ETV6: variants seen among roughly 807,000 people sequenced by gnomAD.
The protein encoded by ETV6 is transcription factor ETV6.
Under a neutral mutation model 51.1 loss-of-function variants are expected in ETV6, and 16 were observed. That is an observed-to-expected ratio of 0.31 (90% CI 0.21 to 0.48). The LOEUF (loss-of-function observed/expected upper bound fraction) is 0.48. Ranked by LOEUF, ETV6 falls within the 20% of genes least tolerant of loss-of-function variation. The probability of loss-of-function intolerance (pLI) is 0.99; values close to 1 mark genes in which losing one functional copy is unlikely to be tolerated. For synonymous variants in ETV6, 240 were observed against 224.1 expected (o/e 1.07, Z -0.64); for missense variants, 458 against 594.8 (o/e 0.77, Z 2.39).
chr12:11,681,702 T>C (rs2120747026), intron 1 of ETV6, among the ~76,000 whole-genome samples: 1 of 152,288 alleles, frequency 6.6e-6, no homozygotes, highest in African/African-American at 2.4e-5. Flanking sequence ...TAGGTATTTC[T>C]CCTTATGCTA....
At chr12:11,821,877 C>T (rs1946086249) in intron 2 of ETV6, among the ~76,000 whole-genome samples, 3 of 152,148 alleles carry the variant, frequency 2.0e-5, no homozygotes, top group South Asian at 4.2e-4. Context: ...TGCATTGTCA[C>T]CTCCCACCCT....
chr12:11,750,620 T>C (rs1469240835), intron 1 of ETV6, among the ~76,000 whole-genome samples: 5 of 152,134 alleles, frequency 3.3e-5, no homozygotes, highest in Non-Finnish European at 7.3e-5. Context: ...TTTCCGAGAA[T>C]AAAGTTAACG....
At chr12:11,850,873 C>CA (rs1360762540) in intron 3 of ETV6, among the ~76,000 whole-genome samples, 7 of 152,238 alleles carry the variant, frequency 4.6e-5, no homozygotes, top group African/African-American at 1.7e-4. Flanking sequence ...TTGTTTGAGC[C>CA]ACCCCACCGG....
At chr12:11,798,215 G>A (rs1468344680) in intron 2 of ETV6, among the ~76,000 whole-genome samples, 2 of 152,148 alleles carry the variant, frequency 1.3e-5, no homozygotes, top group Non-Finnish European at 2.9e-5. Flanking sequence ...ATGTCACTGC[G>A]CCACAGAAGA....
chr12:11,739,607 T>A (rs1371707071), intron 1 of ETV6, among the ~76,000 whole-genome samples: 1 of 152,242 alleles, frequency 6.6e-6, no homozygotes, highest in Non-Finnish European at 1.5e-5. Flanking sequence ...AGTGTCGGAT[T>A]TGAAATGTGC....
rs772170594 is a variant in ETV6 at position 11,710,898 on chromosome 12, C to T, written c.34-41552C>T. On this transcript the variant is annotated intron_variant, in intron 1 of 7. Transcript: ENST00000396373. ...TCTCTGGTCATGTCAAGAAAGCTGC[C>T]CCCTACTTTGTGTTTAAGCAGATCC... 2.6e-5 allele frequency among the ~76,000 whole-genome samples: 4 copies of T among 152,180 alleles called. No homozygotes were observed. In the East Asian group the frequency reaches 5.8e-4, roughly 22 times the overall value.
chr12:11,660,277 G>A (rs1332009305), intron 1 of ETV6, among the ~76,000 whole-genome samples: 1 of 152,166 alleles, frequency 6.6e-6, no homozygotes, highest in East Asian at 1.9e-4. Flanking sequence ...CTGCACTAGG[G>A]TATACAGGAG....
rs1008144230 is a variant in ETV6, at chr12:11,675,156, T to C, written c.33+24996T>C. On this transcript the variant is annotated intron_variant, in intron 1 of 7. Coordinates refer to ENST00000396373, the MANE Select transcript of ETV6 (RefSeq NM_001987.5). ...ACCACAAGGAGTGAGAACACCAGGA[T>C]GTGTTTTTTTAGATGTTCTTCTGTA... is the stretch of plus-strand genomic sequence containing the variant. Among the ~76,000 whole-genome samples, 5 of 152,164 alleles carry C rather than the reference T, an allele frequency of 3.3e-5. No individual in the cohort carries two copies. The East Asian group carries it at 9.6e-4, about 29-fold the overall frequency.
chr12:11,773,534 A>G (rs1945273409), intron 2 of ETV6, among the ~76,000 whole-genome samples: 1 of 152,136 alleles, frequency 6.6e-6, no homozygotes, highest in African/African-American at 2.4e-5. Flanking sequence ...GTAATCCGCT[A>G]GTTTAAATTG....
In ETV6 at chr12:11,821,098, C is replaced by A. The variant is rs181612581; in HGVS notation, c.164-18042C>A. 5.9e-5 allele frequency among the ~76,000 whole-genome samples: 9 copies of A among 152,248 alleles called. No individual in the cohort carries two copies. The East Asian group carries it at 1.5e-3, about 26-fold the overall frequency. ...AAACAAGGGGCTGGGCACGGTGGCT[C>A]ACGCCTGTAATCCCAGCACTTTGGG... On this transcript the variant is annotated intron_variant, in intron 2 of 7. Coordinates refer to ENST00000396373, the MANE Select transcript of ETV6 (RefSeq NM_001987.5).
At chr12:11,724,618 G>T (rs1865453935) in intron 1 of ETV6, among the ~76,000 whole-genome samples, 1 of 152,206 alleles carries the variant, frequency 6.6e-6, no homozygotes, top group African/African-American at 2.4e-5. Flanking sequence ...TGTGCTCTGT[G>T]TATCAGAAGA....
intron 1 of ETV6, among the ~76,000 whole-genome samples, chr12:11,684,092 A>G (rs1285141392): frequency 1.3e-5 from 2 of 152,274 alleles, no homozygotes; most frequent in Non-Finnish European, 2.9e-5. Context: ...AAAGTGATTC[A>G]AGGGAGTTGG....
chr12:11,795,890 A>G (rs564994398), intron 2 of ETV6, among the ~76,000 whole-genome samples: 8 of 152,286 alleles, frequency 5.3e-5, no homozygotes, highest in Admixed American at 2.0e-4. Flanking sequence ...TAAAACACTT[A>G]GTACAGTGTC....
chr12:11,783,469 C>T (rs1439175770), intron 2 of ETV6, among the ~76,000 whole-genome samples: 1 of 152,040 alleles, frequency 6.6e-6, no homozygotes, highest in Admixed American at 6.5e-5. Context: ...TTATAGATGA[C>T]TCTCTTACTG....
At chr12:11,838,440 G>A (rs1946345721) in intron 2 of ETV6, among the ~76,000 whole-genome samples, 1 of 152,090 alleles carries the variant, frequency 6.6e-6, no homozygotes, top group Non-Finnish European at 1.5e-5. Flanking sequence ...TGCCCACTTG[G>A]TTCCTACTCA....
At chr12:11,888,388 C>CTT (rs1205975389) in intron 7 of ETV6, among the ~76,000 whole-genome samples, 2 of 47,366 alleles carry the variant, frequency 4.2e-5, no homozygotes, top group Non-Finnish European at 1.1e-4. Flanking sequence ...TTTTTCTTTT[C>CTT]TTTTCTTTTC....
intron 2 of ETV6, among the ~76,000 whole-genome samples, chr12:11,829,922 G>C (rs1045575760): frequency 1.3e-5 from 2 of 152,186 alleles, no homozygotes; most frequent in African/African-American, 4.8e-5. Context: ...TGGTCAGATA[G>C]CACATTCAAG....
intron 2 of ETV6, among the ~76,000 whole-genome samples, chr12:11,823,121 T>C (rs1259335881): frequency 6.6e-6 from 1 of 152,210 alleles, no homozygotes; most frequent in Non-Finnish European, 1.5e-5. Flanking sequence ...GTAGGGCCTC[T>C]GGCGTTCACA....
chr12:11,720,382 T>G (rs571504878), intron 1 of ETV6, among the ~76,000 whole-genome samples: 1 of 152,346 alleles, frequency 6.6e-6, no homozygotes, highest in East Asian at 1.9e-4. Flanking sequence ...CTGACACTTA[T>G]GAACTCAGAT....
Sources: gnomAD v4.1 joint callset for allele counts (sites outside exome capture counted in the v4.1 genomes callset) on GRCh38, gnomAD v4.1.1 for gene constraint, MANE v1.5 for transcripts, NCBI Gene and HGNC (gene_info 2026-07-23, HGNC 2026-07-21) for gene names.